Variants in OPCML observed in about 807,000 individuals in gnomAD.
OPCML encodes the protein opioid-binding protein/cell adhesion molecule.
Under a neutral mutation model 37.8 loss-of-function variants are expected in OPCML, and 13 were observed. The ratio of observed to expected loss-of-function variants is 0.34; its 90% CI spans 0.22 to 0.55. The LOEUF is 0.55. Ranked by LOEUF, OPCML falls within the 20% of genes least tolerant of loss-of-function variation. The pLI is 0.91. For missense variants in OPCML, 341 were observed against 435.6 expected (o/e 0.78, Z 1.93); for synonymous variants, 176 against 168.8 (o/e 1.04, Z -0.33).
chr11:132,832,690 G>A (rs983616072), intron 2 of OPCML, among the ~76,000 whole-genome samples: 1 of 152,176 alleles, frequency 6.6e-6, no homozygotes, highest in South Asian at 2.1e-4. Context: ...TCACTTACTA[G>A]CTGAGATACA....
intron 1 of OPCML, chr11:133,361,979 A>G (rs1944433083): frequency 6.6e-6 from 1 of 152,252 alleles, no homozygotes; most frequent in Admixed American, 6.5e-5. Flanking sequence ...AGGAGCTGGC[A>G]AAGGCACGCG....
At chr11:132,602,365 T>A (rs1420318405) in intron 3 of OPCML, among the ~76,000 whole-genome samples, 2 of 152,246 alleles carry the variant, frequency 1.3e-5, no homozygotes, top group Non-Finnish European at 2.9e-5. Context: ...TAGATTGTTA[T>A]ACTGCACCTC....
At chr11:132,997,567 G>T (rs578195245) in intron 1 of OPCML, among the ~76,000 whole-genome samples, 12 of 152,330 alleles carry the variant, frequency 7.9e-5, no homozygotes, top group African/African-American at 2.9e-4. Flanking sequence ...ACGCCGCAAT[G>T]CTGGGGCTCA....
intron 1 of OPCML, among the ~76,000 whole-genome samples, chr11:133,445,431 T>A (rs6590699): frequency 0.36 from 54,108 of 152,034 alleles, 14,469 homozygotes; most frequent in African/African-American, 0.75. Flanking sequence ...CAATTTTCTC[T>A]TCTGTGAGTA....
chr11:133,448,751 C>T (rs1303434436), intron 1 of OPCML, among the ~76,000 whole-genome samples: 1 of 152,180 alleles, frequency 6.6e-6, no homozygotes, highest in African/African-American at 2.4e-5. Context: ...GCCACCTCAC[C>T]CAGTCCAGAA....
chr11:133,127,244 A>G (rs138777872), intron 1 of OPCML, among the ~76,000 whole-genome samples: 54 of 152,252 alleles, frequency 3.5e-4, no homozygotes, highest in African/African-American at 1.3e-3. Context: ...AGAGCCAACC[A>G]TTTTGGGTCT....
intron 2 of OPCML, among the ~76,000 whole-genome samples, chr11:132,799,330 T>G (rs1176770622): frequency 6.6e-6 from 1 of 152,220 alleles, no homozygotes; most frequent in South Asian, 2.1e-4. Context: ...TTTATGGAGA[T>G]GGTTTCTTTC....
chr11:132,937,594 G>GT (rs1945428474), intron 2 of OPCML, among the ~76,000 whole-genome samples: 2 of 68,662 alleles, frequency 2.9e-5, no homozygotes, highest in Middle Eastern at 6.0e-3. Context: ...GGCGTGTGTG[G>GT]GGTGTGTGTG....
At chr11:133,085,935 C>T (rs979146293) in intron 1 of OPCML, among the ~76,000 whole-genome samples, 12 of 152,136 alleles carry the variant, frequency 7.9e-5, no homozygotes, top group African/African-American at 1.2e-4. Context: ...ATTAACCTGT[C>T]GGTTCATCTA....
At chr11:132,914,647 A>G (rs1380509445) in intron 2 of OPCML, among the ~76,000 whole-genome samples, 1 of 152,166 alleles carries the variant, frequency 6.6e-6, no homozygotes, top group Non-Finnish European at 1.5e-5. Flanking sequence ...CTGCCCCTCA[A>G]CAGGGCACCT....
At chr11:132,667,118 A>G (rs936941397) in intron 2 of OPCML, among the ~76,000 whole-genome samples, 2 of 152,258 alleles carry the variant, frequency 1.3e-5, no homozygotes, top group Non-Finnish European at 2.9e-5. Context: ...TTTGATGTCA[A>G]AGTGGAGTGG....
At chr11:133,052,807 A>G (rs960338105) in intron 1 of OPCML, among the ~76,000 whole-genome samples, 1 of 152,210 alleles carries the variant, frequency 6.6e-6, no homozygotes, top group Non-Finnish European at 1.5e-5. Flanking sequence ...ACGCCAGCAC[A>G]TGGGGAACCT....
At chr11:132,790,053 A>T (rs1164618871) in intron 2 of OPCML, among the ~76,000 whole-genome samples, 1 of 152,226 alleles carries the variant, frequency 6.6e-6, no homozygotes, top group Non-Finnish European at 1.5e-5. Context: ...AAAAACTAAA[A>T]ATAGAACTAC....
chr11:132,672,973 T>C (rs1337213134), intron 2 of OPCML, among the ~76,000 whole-genome samples: 1 of 152,138 alleles, frequency 6.6e-6, no homozygotes. Context: ...TTTGCTTCTC[T>C]AAGAAATAAG....
chr11:132,668,952 C>A (rs1015276776), intron 2 of OPCML, among the ~76,000 whole-genome samples: 2 of 152,090 alleles, frequency 1.3e-5, no homozygotes, highest in African/African-American at 4.8e-5. Flanking sequence ...TCAGCTATAG[C>A]CACTGAGACA....
At chr11:133,456,510 G>A (rs1946674598) in intron 1 of OPCML, among the ~76,000 whole-genome samples, 1 of 151,682 alleles carries the variant, frequency 6.6e-6, no homozygotes, top group Non-Finnish European at 1.5e-5. Context: ...CAAAATAAAA[G>A]GAACAAAATA....
chr11:133,226,822 G>T (rs1408904027), intron 1 of OPCML, among the ~76,000 whole-genome samples: 2 of 152,076 alleles, frequency 1.3e-5, no homozygotes, highest in African/African-American at 4.8e-5. Context: ...GCCCAGAGGA[G>T]CCCAAACCAG....
At chr11:132,680,239 T>C (rs78711127) in intron 2 of OPCML, among the ~76,000 whole-genome samples, 2,712 of 152,258 alleles carry the variant, frequency 0.018, 68 homozygotes, top group African/African-American at 0.051. Flanking sequence ...CAATTTATCA[T>C]GGGATAAAAC....
chr11:133,455,051 G>A (rs1314900349), intron 1 of OPCML, among the ~76,000 whole-genome samples: 1 of 151,908 alleles, frequency 6.6e-6, no homozygotes, highest in Admixed American at 6.6e-5. Context: ...TTTTTCTATG[G>A]CTTAGCTTAC....
Sources: allele counts gnomAD v4.1 joint callset (sites outside exome capture counted in the v4.1 genomes callset), GRCh38; gene constraint gnomAD v4.1.1; transcripts MANE v1.5; gene names NCBI Gene and HGNC (gene_info 2026-07-23, HGNC 2026-07-21).